GNAO1: variants seen among roughly 807,000 people sequenced by gnomAD.
GNAO1 encodes G protein subunit alpha o1, also known as guanine nucleotide-binding protein G(o) subunit alpha.
For missense variants in GNAO1, 166 were observed against 478.7 expected (o/e 0.35, Z 6.10); for synonymous variants, 164 against 180.7 (o/e 0.91, Z 0.74).
At chr16:56,295,686 A>C (rs1443125588) in intron 3 of GNAO1, among the ~76,000 whole-genome samples, 4 of 152,160 alleles carry the variant, frequency 2.6e-5, no homozygotes, top group Admixed American at 6.5e-5. Flanking sequence ...CTCGCTGCCC[A>C]GGCCACTGCC....
chr16:56,231,754 G>GTACCTA (rs2036590301), intron 2 of GNAO1, among the ~76,000 whole-genome samples: 1 of 152,208 alleles, frequency 6.6e-6, no homozygotes, highest in Non-Finnish European at 1.5e-5. Context: ...ACTAGGCACT[G>GTACCTA]GCACCTGAAG....
At chr16:56,305,492 G>C (rs1001341685) in intron 3 of GNAO1, among the ~76,000 whole-genome samples, 1 of 152,132 alleles carries the variant, frequency 6.6e-6, no homozygotes, top group Non-Finnish European at 1.5e-5. Flanking sequence ...GCAAAGACTC[G>C]AGTCCAGGAG....
intron 2 of GNAO1, among the ~76,000 whole-genome samples, chr16:56,268,204 G>C (rs2036977940): frequency 6.6e-6 from 1 of 152,168 alleles, no homozygotes; most frequent in African/African-American, 2.4e-5. Flanking sequence ...CCATTTATTT[G>C]GCCAGTCTTC....
intron 2 of GNAO1, among the ~76,000 whole-genome samples, chr16:56,245,213 GC>G (rs2036732185): frequency 6.6e-6 from 1 of 152,066 alleles, no homozygotes; most frequent in Non-Finnish European, 1.5e-5. Flanking sequence ...CTAGGCTGTT[GC>G]GGCTGAGCTG....
At chr16:56,253,774 A>G (rs546000660) in intron 2 of GNAO1, among the ~76,000 whole-genome samples, 2 of 152,332 alleles carry the variant, frequency 1.3e-5, no homozygotes, top group East Asian at 1.9e-4. Flanking sequence ...AGTGGGGGAC[A>G]TGTGGCAGCT....
At position 56,192,377 on chromosome 16, in the gene GNAO1, C is replaced by CA. The variant is rs1409274229; in HGVS notation, c.118+25dup. ...CGGTAAGGACCGCCGCTGCTACCCC[C>CA]ATCCCCCGACCCCGGCCACTCCGCA... On this transcript the variant is annotated intron_variant, in intron 1 of 8. Transcript: ENST00000262493. The CA allele has an allele frequency of 1.2e-5, 16 of 1,359,458 alleles. No individual in the cohort carries two copies. The African/African-American group carries it at 1.3e-4, about 11-fold the overall frequency. The allele number at this position is 1,359,458 out of a possible 1,614,324, so 84.2% of individuals were successfully genotyped here.
At position 56,192,256 on chromosome 16, in the gene GNAO1, A is replaced by G. The variant is rs1396370689; in HGVS notation, c.21A>G (p.Ala7=). 7 of 1,600,942 alleles carry G rather than the reference A, an allele frequency of 4.4e-6. No homozygotes were observed. Among genetic ancestry groups the G allele is most frequent in the African/African-American group, 1.3e-5 (1 of 74,688 alleles). ...CCACCATGGGATGTACTCTGAGCGCAGAGGAGAGAGCCGCCCTCGAGCGGA... is the reference window on the plus strand; with the variant it reads ...CCACCATGGGATGTACTCTGAGCGCGGAGGAGAGAGCCGCCCTCGAGCGGA... MGCTLS[A]EERAALERSK... is the part of the protein sequence containing the mutation. The change falls in exon 1 of 9, where the codon GCA becomes GCG. Residue 7 remains alanine (A), a synonymous_variant. Transcript: ENST00000262493.
chr16:56,340,947 C>T, intron 6 of GNAO1: 1 of 1,613,996 alleles, frequency 6.2e-7, no homozygotes, highest in East Asian at 2.2e-5. Context: ...AAGAGAAGAT[C>T]AAGAAGTCCC....
chr16:56,349,102 T>C (rs2037899085), intron 6 of GNAO1, among the ~76,000 whole-genome samples: 1 of 152,174 alleles, frequency 6.6e-6, no homozygotes, highest in Admixed American at 6.5e-5. Flanking sequence ...CCCTGAGATG[T>C]AGGGGCTGTG....
intron 2 of GNAO1, among the ~76,000 whole-genome samples, chr16:56,271,680 C>T (rs2037019522): frequency 6.6e-6 from 1 of 152,118 alleles, no homozygotes; most frequent in African/African-American, 2.4e-5. Context: ...GTCTCAAACT[C>T]CTGACCTCGT....
chr16:56,276,617 TG>T (rs1473958983), intron 3 of GNAO1: 1 of 153,146 alleles, frequency 6.5e-6, no homozygotes. Flanking sequence ...AGGGACTGTT[TG>T]GGGGTAACAT....
In GNAO1 at chr16:56,351,356, C is replaced by T. The variant is rs769337410; in HGVS notation, c.724-28C>T. On this transcript the variant is annotated intron_variant, in intron 6 of 8. Coordinates refer to ENST00000262493, the MANE Select transcript of GNAO1 (RefSeq NM_020988.3). The surrounding 1 kb of genome is among the most constrained non-coding windows in gnomAD (Gnocchi z 6.1). ...TCTGTGTCTCCCTCCCGCTGTCTGT[C>T]CTCTCTCCTCCCTTCCTGCGGCCGC... is the stretch of plus-strand genomic sequence containing the variant. 1.3e-5 allele frequency: 20 copies of T among 1,581,936 alleles called. No individual in the cohort carries two copies. The East Asian group carries it at 4.3e-4, about 34-fold the overall frequency.
intron 2 of GNAO1, among the ~76,000 whole-genome samples, chr16:56,258,370 A>G (rs1056898774): frequency 1.3e-5 from 2 of 152,226 alleles, no homozygotes; most frequent in African/African-American, 4.8e-5. Flanking sequence ...TGAGGACTTC[A>G]TGAGAAAATA....
chr16:56,267,660 A>G (rs1188025248), intron 2 of GNAO1, among the ~76,000 whole-genome samples: 2 of 152,078 alleles, frequency 1.3e-5, no homozygotes, highest in East Asian at 1.9e-4. Flanking sequence ...GTGCTCCTTC[A>G]GGTCGTATTT....
intron 3 of GNAO1, among the ~76,000 whole-genome samples, chr16:56,298,314 C>T (rs2037307934): frequency 6.6e-6 from 1 of 152,158 alleles, no homozygotes; most frequent in Non-Finnish European, 1.5e-5. Context: ...AGGATGCGAG[C>T]CCCAGATGTG....
chr16:56,316,436 C>T (rs2037510319), intron 3 of GNAO1, among the ~76,000 whole-genome samples: 2 of 152,218 alleles, frequency 1.3e-5, no homozygotes, highest in Admixed American at 6.5e-5. Flanking sequence ...TCTGTGTGCC[C>T]ACAGGTGGCT....
intron 2 of GNAO1, among the ~76,000 whole-genome samples, chr16:56,250,521 T>C (rs2036789994): frequency 6.6e-6 from 1 of 152,206 alleles, no homozygotes; most frequent in African/African-American, 2.4e-5. Context: ...GAGCTTTCCT[T>C]TGGAAAACAT....
intron 2 of GNAO1, among the ~76,000 whole-genome samples, chr16:56,239,790 G>A (rs2036676298): frequency 6.6e-6 from 1 of 152,184 alleles, no homozygotes; most frequent in African/African-American, 2.4e-5. Flanking sequence ...CTCAGCTATG[G>A]TTGTCTTTCC....
At chr16:56,231,184 G>C (rs918650060) in intron 2 of GNAO1, among the ~76,000 whole-genome samples, 1 of 152,182 alleles carries the variant, frequency 6.6e-6, no homozygotes, top group Admixed American at 6.5e-5. Context: ...CTCAGACTCA[G>C]CCCAGCCTAC....
Sources: gnomAD v4.1 joint callset for allele counts (sites outside exome capture counted in the v4.1 genomes callset) on GRCh38, gnomAD v4.1.1 for gene constraint, Gnocchi (gnomAD v3.1) non-coding constraint, MANE v1.5 for transcripts, NCBI Gene and HGNC (gene_info 2026-07-23, HGNC 2026-07-21) for gene names.